The following PRPF3 variants were observed in gnomAD, a reference collection of about 807,000 sequenced individuals.
The protein encoded by PRPF3 is pre-mRNA processing factor 3, also known as U4/U6 small nuclear ribonucleoprotein Prp3.
A neutral mutation model predicts 89.2 loss-of-function variants in PRPF3; 3 were observed. That is an observed-to-expected ratio of 0.03 (90% CI 0.02 to 0.09). The LOEUF is 0.09. PRPF3 is among the 10% of genes least tolerant of loss of function. The pLI is 1.00. For missense variants in PRPF3, 463 were observed against 828.8 expected, an observed-to-expected ratio of 0.56 and a Z score of 5.42; for synonymous variants, 270 against 289.1, an observed-to-expected ratio of 0.93 and a Z score of 0.67.
At chr1:150,324,243 G>A (rs1560082149) in intron 1 of PRPF3, among the ~76,000 whole-genome samples, 1 of 152,162 alleles carries the variant, frequency 6.6e-6, no homozygotes, top group Admixed American at 6.5e-5. Context: ...GCTGGCCTCT[G>A]GATGGGCTTT....
At chr1:150,328,533 G>A (rs940960215) in intron 4 of PRPF3, 67 bp downstream of exon 4, 1 of 731,034 alleles carries the variant, frequency 1.4e-6, no homozygotes, top group Non-Finnish European at 2.2e-6. Flanking sequence ...GCATGGGTCT[G>A]TATTTATTGT....
Position 150,325,844 on chromosome 1 carries a change from A to G in PRPF3, c.239A>G (p.Lys80Arg). 6.2e-7 allele frequency: 1 copy of G among 1,613,752 alleles called. No homozygotes were observed. Among genetic ancestry groups the G allele is most frequent in the Non-Finnish European group, 8.5e-7 (1 of 1,179,732 alleles). ...VEEGRSSRHS[K>R]SSSDRSRKRE... ...GAAGGCCGAAGCTCTAGGCATTCCA[A>G]GTCTAGCAGTGACAGGAGCAGAAAA... Residue 80 changes from lysine (K) to arginine (R), a missense_variant, in exon 3 of 16, where the codon AAG becomes AGG. This residue lies in a region of PRPF3 where 21 missense variants were observed against 16.6 expected (regional missense o/e 1.26). Transcript: ENST00000324862.
chr1:150,353,011 G>A lies in PRPF3; in HGVS notation c.*32G>A, dbSNP rs782215965. ...TGCAAGCCCTTGCCTCTCCTCCCTT[G>A]CCTTTGTCTCTTCAGTCCTCTCACT... On this transcript the variant is annotated 3_prime_UTR_variant, in exon 16 of 16. Coordinates refer to ENST00000324862, the MANE Select transcript of PRPF3 (RefSeq NM_004698.4). The A allele has an allele frequency of 2.5e-6, 4 of 1,613,352 alleles. No homozygotes were observed. The highest frequency in any genetic ancestry group is 1.1e-5 in the South Asian group (1 of 91,050).
chr1:150,348,448 T>C (rs1488302941), intron 14 of PRPF3, among the ~76,000 whole-genome samples: 1 of 149,546 alleles, frequency 6.7e-6, no homozygotes, highest in African/African-American at 2.5e-5. Flanking sequence ...AAATATTTTG[T>C]TCTACACGTG....
At chr1:150,333,773 C>A (rs368662019) in intron 6 of PRPF3, among the ~76,000 whole-genome samples, 1 of 152,082 alleles carries the variant, frequency 6.6e-6, no homozygotes, top group Admixed American at 6.6e-5. Context: ...AGGTTTCCTT[C>A]CTGGTTTCAA....
At position 150,333,208 on chromosome 1, in the gene PRPF3, C is replaced by CT; in HGVS notation, c.728+10dup. 1 of 1,612,726 alleles carries CT rather than the reference C, an allele frequency of 6.2e-7. No homozygotes were observed. ...ATGGGCATTGCTCCCCCGTGAGTGT[C>CT]TATTTCATGGAATACCTTTTCATTT... On this transcript the variant is annotated intron_variant, in intron 6 of 15. Coordinates refer to ENST00000324862, the MANE Select transcript of PRPF3 (RefSeq NM_004698.4).
chr1:150,342,091 AAGAT>A (rs1657805224), intron 9 of PRPF3, among the ~76,000 whole-genome samples: 1 of 151,992 alleles, frequency 6.6e-6, no homozygotes, highest in Admixed American at 6.5e-5. Flanking sequence ...CTACTTAAGA[AAGAT>A]AAGAGGCCAG....
At chr1:150,351,458 T>C (rs1553874342) in intron 15 of PRPF3, among the ~76,000 whole-genome samples, 3 of 152,096 alleles carry the variant, frequency 2.0e-5, no homozygotes, top group Non-Finnish European at 2.9e-5. Flanking sequence ...GTATTTGTTC[T>C]CTGTTTTATA....
Position 150,353,160 on chromosome 1 carries a change from C to A in PRPF3, c.*181C>A. 1.4e-6 allele frequency: 1 copy of A among 708,230 alleles called. No individual in the cohort carries two copies. Among genetic ancestry groups the A allele is most frequent in the Non-Finnish European group, 2.5e-6 (1 of 403,154 alleles). The allele number at this position is 708,230 out of a possible 1,614,324, so 43.9% of individuals were successfully genotyped here. A position where few individuals can be genotyped will look rare whatever the true frequency, so the allele number is the denominator to read the frequency against. ...GTCAGCCTGGTGTTGCCCTTTATTCCCCTTATGTGCATATGATTAAAGAGT... is the reference window on the plus strand; with the variant it reads ...GTCAGCCTGGTGTTGCCCTTTATTCACCTTATGTGCATATGATTAAAGAGT... On this transcript the variant is annotated 3_prime_UTR_variant, in exon 16 of 16. Transcript: ENST00000324862.
chr1:150,341,889 A>T (rs587699513), intron 9 of PRPF3, among the ~76,000 whole-genome samples: 1 of 147,580 alleles, frequency 6.8e-6, no homozygotes, highest in African/African-American at 2.5e-5. Context: ...CTTTTAGTAG[A>T]GACAGGGTTT....
chr1:150,344,601 A>G (rs1658097169), intron 12 of PRPF3, 54 bp downstream of exon 12: 1 of 1,579,936 alleles, frequency 6.3e-7, no homozygotes, highest in Non-Finnish European at 8.7e-7. Context: ...AACATTTTCC[A>G]AGTGCTTGAG....
At chr1:150,345,882 T>G in intron 12 of PRPF3, 136 bp from the exon 13 acceptor site, 6 of 763,146 alleles carry the variant, frequency 7.9e-6, no homozygotes, top group Non-Finnish European at 1.4e-5. Flanking sequence ...CTTTTAAGCA[T>G]TCATCTATTT....
At chr1:150,336,576 T>C (rs1256546874) in intron 7 of PRPF3, among the ~76,000 whole-genome samples, 3 of 151,932 alleles carry the variant, frequency 2.0e-5, no homozygotes, top group Non-Finnish European at 2.9e-5. Flanking sequence ...CCCAACATGG[T>C]GAAACCCCGT....
intron 8 of PRPF3, 46 bp from the exon 9 acceptor site, chr1:150,340,352 C>A: frequency 7.4e-7 from 1 of 1,360,528 alleles, no homozygotes; most frequent in Non-Finnish European, 1.1e-6. Context: ...CTCTTAGAAT[C>A]ATCTCTACCC....
At chr1:150,328,194 G>T in intron 3 of PRPF3, 126 bp from the exon 4 acceptor site, 1 of 1,091,500 alleles carries the variant, frequency 9.2e-7, no homozygotes, top group South Asian at 1.3e-5. Flanking sequence ...CTGGCAGGTG[G>T]CTATTTGCAA....
chr1:150,336,357 G>A (rs1357877594), intron 7 of PRPF3, among the ~76,000 whole-genome samples: 7 of 152,192 alleles, frequency 4.6e-5, no homozygotes, highest in South Asian at 4.1e-4. Context: ...GGGAGCAATC[G>A]TAAGTACAGA....
At chr1:150,323,901 C>T (rs782115377) in intron 1 of PRPF3, among the ~76,000 whole-genome samples, 6 of 151,188 alleles carry the variant, frequency 4.0e-5, no homozygotes, top group Middle Eastern at 3.4e-3. Context: ...CTCAGCCTCC[C>T]GAGTAGCTGG....
chr1:150,327,527 T>C (rs1398776014), intron 3 of PRPF3: 1 of 974,910 alleles, frequency 1.0e-6, no homozygotes, highest in Non-Finnish European at 1.2e-6. Context: ...CACAATATAT[T>C]ATGGGAGAGT....
intron 14 of PRPF3, among the ~76,000 whole-genome samples, chr1:150,347,058 A>G (rs1203653574): frequency 6.6e-6 from 1 of 151,922 alleles, no homozygotes; most frequent in Non-Finnish European, 1.5e-5. Context: ...TGCCACTGCA[A>G]TCCAGCCTGG....
Sources: allele counts gnomAD v4.1 joint callset (sites outside exome capture counted in the v4.1 genomes callset), GRCh38; gene constraint gnomAD v4.1.1; regional missense constraint gnomAD v4.1.1; transcripts MANE v1.5; gene names NCBI Gene and HGNC (gene_info 2026-07-23, HGNC 2026-07-21).